Variants in SOX6 observed in about 807,000 individuals in gnomAD.
The protein encoded by SOX6 is SRY-box transcription factor 6, also known as transcription factor SOX-6.
Under a neutral mutation model 97.8 loss-of-function variants are expected in SOX6, and 11 were observed. That is an observed-to-expected ratio of 0.11 (90% confidence interval 0.07 to 0.19). SOX6 has a LOEUF of 0.19. SOX6 is among the 10% of genes least tolerant of loss of function. The probability of loss-of-function intolerance (pLI) is 1.00; values close to 1 mark genes in which losing one functional copy is unlikely to be tolerated. For synonymous variants in SOX6, 360 were observed against 371.4 expected (o/e 0.97, Z 0.35); for missense variants, 810 against 1,039.5 (o/e 0.78, Z 3.04).
At chr11:16,616,487 A>AT (rs746060953) in intron 3 of SOX6, among the ~76,000 whole-genome samples, 2 of 151,766 alleles carry the variant, frequency 1.3e-5, no homozygotes, top group Admixed American at 6.6e-5. Flanking sequence ...TTGTGTGCGT[A>AT]TTTTTTTTAA....
At chr11:16,130,893 C>T (rs951945932) in intron 6 of SOX6, among the ~76,000 whole-genome samples, 3 of 151,798 alleles carry the variant, frequency 2.0e-5, no homozygotes, top group Non-Finnish European at 2.9e-5. Context: ...TTAAAATAGG[C>T]TTTGCTATAA....
At chr11:16,529,433 T>C (rs748199735) in intron 4 of SOX6, among the ~76,000 whole-genome samples, 33 of 152,090 alleles carry the variant, frequency 2.2e-4, no homozygotes, top group Non-Finnish European at 3.5e-4. Flanking sequence ...CCTGTTACTC[T>C]AACACACAAT....
intron 12 of SOX6, among the ~76,000 whole-genome samples, chr11:16,030,423 C>A (rs753653180): frequency 1.3e-5 from 2 of 152,118 alleles, no homozygotes; most frequent in African/African-American, 2.4e-5. Flanking sequence ...ACATAGTTTG[C>A]CTTCTGTGTA....
chr11:16,253,688 G>A (rs1313833405), intron 3 of SOX6, among the ~76,000 whole-genome samples: 2 of 149,010 alleles, frequency 1.3e-5, no homozygotes, highest in East Asian at 2.0e-4. Context: ...AATAAGACTG[G>A]AAAAAAAAAC....
At chr11:16,637,718 G>A (rs562545021) in intron 3 of SOX6, among the ~76,000 whole-genome samples, 1 of 152,136 alleles carries the variant, frequency 6.6e-6, no homozygotes, top group African/African-American at 2.4e-5. Flanking sequence ...CAAGGTCACG[G>A]ATATGTCTGG....
chr11:16,387,750 CTAATTT>C (rs987461243), intron 1 of SOX6, among the ~76,000 whole-genome samples: 10 of 152,018 alleles, frequency 6.6e-5, no homozygotes, highest in South Asian at 4.1e-4. Flanking sequence ...CTTATTTTTA[CTAATTT>C]TAATTTTAAT....
At chr11:16,516,030 G>C (rs1860965776) in intron 4 of SOX6, among the ~76,000 whole-genome samples, 1 of 151,758 alleles carries the variant, frequency 6.6e-6, no homozygotes, top group African/African-American at 2.4e-5. Flanking sequence ...TGGCAATGCG[G>C]GCTCTTTTTT....
At chr11:16,699,499 C>T (rs1231079993) in intron 3 of SOX6, among the ~76,000 whole-genome samples, 1 of 152,110 alleles carries the variant, frequency 6.6e-6, no homozygotes, top group African/African-American at 2.4e-5. Context: ...GTTGCTATCT[C>T]TGGAGTGGAG....
At chr11:16,548,286 T>C (rs1847643291) in intron 4 of SOX6, among the ~76,000 whole-genome samples, 1 of 152,028 alleles carries the variant, frequency 6.6e-6, no homozygotes, top group Non-Finnish European at 1.5e-5. Flanking sequence ...GTTCTTTAGA[T>C]GGAAAAAAAA....
intron 3 of SOX6, among the ~76,000 whole-genome samples, chr11:16,248,315 C>T (rs1481803862): frequency 6.6e-6 from 1 of 152,068 alleles, no homozygotes; most frequent in Non-Finnish European, 1.5e-5. Flanking sequence ...GAATGGTGGC[C>T]CTCTTCTCAC....
intron 6 of SOX6, among the ~76,000 whole-genome samples, chr11:16,153,082 G>A (rs555069984): frequency 2.4e-4 from 37 of 152,232 alleles, no homozygotes; most frequent in South Asian, 2.1e-3. Context: ...GGCCAGGGTG[G>A]TATCTATCTC....
intron 3 of SOX6, among the ~76,000 whole-genome samples, chr11:16,677,866 CA>C (rs1387091821): frequency 1.3e-5 from 2 of 152,188 alleles, no homozygotes; most frequent in East Asian, 3.9e-4. Flanking sequence ...CTTACAAAAC[CA>C]ATTGCTTTAA....
At chr11:16,243,001 CCT>C (rs1181660198) in intron 3 of SOX6, among the ~76,000 whole-genome samples, 1 of 151,746 alleles carries the variant, frequency 6.6e-6, no homozygotes, top group Non-Finnish European at 1.5e-5. Flanking sequence ...TTTCACTTCC[CCT>C]CTTTGATCAC....
intron 3 of SOX6, among the ~76,000 whole-genome samples, chr11:16,668,196 A>T (rs1370809870): frequency 6.6e-6 from 1 of 152,154 alleles, no homozygotes; most frequent in Non-Finnish European, 1.5e-5. Flanking sequence ...AACATGGGGA[A>T]ACCCCGTCTC....
At chr11:16,130,857 A>G (rs1232418326) in intron 6 of SOX6, among the ~76,000 whole-genome samples, 1 of 151,994 alleles carries the variant, frequency 6.6e-6, no homozygotes, top group Non-Finnish European at 1.5e-5. Context: ...TGATGTCAAG[A>G]TAATTCAGTG....
At chr11:16,563,083 T>C (rs926413817) in intron 4 of SOX6, among the ~76,000 whole-genome samples, 3 of 152,034 alleles carry the variant, frequency 2.0e-5, no homozygotes, top group African/African-American at 4.8e-5. Flanking sequence ...AGATAACCAA[T>C]AGATGCCAAC....
chr11:16,072,782 G>A (rs1231293098), intron 9 of SOX6, among the ~76,000 whole-genome samples: 1 of 152,088 alleles, frequency 6.6e-6, no homozygotes, highest in African/African-American at 2.4e-5. Context: ...AAGAGATTGG[G>A]GGCCTATATT....
intron 1 of SOX6, among the ~76,000 whole-genome samples, chr11:16,443,548 T>C (rs1859551157): frequency 1.3e-5 from 2 of 152,320 alleles, no homozygotes; most frequent in Admixed American, 1.3e-4. Flanking sequence ...TTTTTTCTTT[T>C]TTAAAAAATT....
intron 4 of SOX6, among the ~76,000 whole-genome samples, chr11:16,225,371 A>C (rs1316620984): frequency 6.6e-6 from 1 of 151,690 alleles, no homozygotes; most frequent in Non-Finnish European, 1.5e-5. Flanking sequence ...ATAAAAATTC[A>C]TTCATAAGCA....
Sources: allele counts gnomAD v4.1 joint callset (sites outside exome capture counted in the v4.1 genomes callset), GRCh38; gene constraint gnomAD v4.1.1; transcripts MANE v1.5; gene names NCBI Gene and HGNC (gene_info 2026-07-23, HGNC 2026-07-21).